TMEM163: variants seen among roughly 807,000 people sequenced by gnomAD.
The protein encoded by TMEM163 is transmembrane protein 163.
Under a neutral mutation model 29.3 loss-of-function variants are expected in TMEM163, and 17 were observed. The observed-to-expected ratio is 0.58, with a 90% confidence interval of 0.40 to 0.87. The LOEUF (loss-of-function observed/expected upper bound fraction) is 0.87, where lower values mean the gene tolerates loss of function less well. Among genes scored for constraint, TMEM163 ranks in the 40% least tolerant of loss-of-function variants. The pLI, the probability that TMEM163 is intolerant of heterozygous loss-of-function variation, is 0.00. For synonymous variants in TMEM163, 157 were observed against 160.6 expected (o/e 0.98, Z 0.17); for missense variants, 303 against 381.5 (o/e 0.79, Z 1.71).
chr2:134,575,381 C>T (rs1051169987), intron 2 of TMEM163, among the ~76,000 whole-genome samples: 2 of 152,090 alleles, frequency 1.3e-5, no homozygotes, highest in Admixed American at 6.6e-5. Flanking sequence ...AGAGCCAGGC[C>T]GAGAATCGCC....
intron 4 of TMEM163, among the ~76,000 whole-genome samples, chr2:134,527,490 C>T (rs1680321365): frequency 1.3e-5 from 2 of 152,146 alleles, no homozygotes; most frequent in South Asian, 2.1e-4. Context: ...CCCCAAATCC[C>T]GCTGCTATCG....
chr2:134,706,827 G>A (rs1180536948), intron 2 of TMEM163, among the ~76,000 whole-genome samples: 1 of 152,160 alleles, frequency 6.6e-6, no homozygotes, highest in Non-Finnish European at 1.5e-5. Flanking sequence ...GGTAACCAAA[G>A]GGGCCTGTCT....
At chr2:134,503,054 T>C in intron 4 of TMEM163, 57 bp from the exon 5 acceptor site, 2 of 1,481,182 alleles carry the variant, frequency 1.4e-6, no homozygotes, top group South Asian at 2.4e-5. Flanking sequence ...TGCTGAAGAG[T>C]CCACACAATT....
chr2:134,659,527 G>A (rs1683701720), intron 2 of TMEM163, among the ~76,000 whole-genome samples: 1 of 152,106 alleles, frequency 6.6e-6, no homozygotes, highest in Non-Finnish European at 1.5e-5. Flanking sequence ...TCCTCACTGG[G>A]ATGTACCATC....
chr2:134,534,924 G>A (rs922538483), intron 4 of TMEM163, among the ~76,000 whole-genome samples: 4 of 152,114 alleles, frequency 2.6e-5, no homozygotes, highest in African/African-American at 9.7e-5. Context: ...AGCTAACAAA[G>A]TACCTTGCTC....
intron 2 of TMEM163, among the ~76,000 whole-genome samples, chr2:134,702,297 T>C (rs1684721636): frequency 6.6e-6 from 1 of 152,146 alleles, no homozygotes; most frequent in Non-Finnish European, 1.5e-5. Context: ...ATGCAAGAAA[T>C]GGAAAAGTAT....
At chr2:134,693,153 C>T (rs140848957) in intron 2 of TMEM163, among the ~76,000 whole-genome samples, 4 of 152,272 alleles carry the variant, frequency 2.6e-5, no homozygotes, top group Admixed American at 6.5e-5. Flanking sequence ...AGAGATTCTG[C>T]CCTCCCCACC....
At chr2:134,488,982 A>G (rs628151) in intron 5 of TMEM163, among the ~76,000 whole-genome samples, 25,348 of 152,150 alleles carry the variant, frequency 0.17, 2,289 homozygotes, top group South Asian at 0.26. Context: ...GTGTGGTAAC[A>G]TTCTGAGAAC....
intron 2 of TMEM163, among the ~76,000 whole-genome samples, chr2:134,570,108 A>G (rs1681385675): frequency 6.6e-6 from 1 of 152,194 alleles, no homozygotes; most frequent in Admixed American, 6.5e-5. Context: ...TGTCAAAGGT[A>G]TGCTGTAAAG....
chr2:134,615,034 C>T (rs529642268), intron 2 of TMEM163, among the ~76,000 whole-genome samples: 5 of 152,046 alleles, frequency 3.3e-5, no homozygotes, highest in African/African-American at 9.7e-5. Flanking sequence ...AGCAAAAAAA[C>T]ATTAACATAG....
chr2:134,481,491 T>C (rs1013222717), intron 5 of TMEM163, among the ~76,000 whole-genome samples: 8 of 152,164 alleles, frequency 5.3e-5, no homozygotes, highest in African/African-American at 1.7e-4. Context: ...TCTGCTGCAA[T>C]GTGAGGCGTG....
At chr2:134,658,016 A>G (rs1683660047) in intron 2 of TMEM163, among the ~76,000 whole-genome samples, 1 of 152,220 alleles carries the variant, frequency 6.6e-6, no homozygotes, top group Admixed American at 6.5e-5. Context: ...GTTGAAAAAA[A>G]AGACAAATAA....
At chr2:134,611,909 T>C (rs1021010748) in intron 2 of TMEM163, among the ~76,000 whole-genome samples, 2 of 152,210 alleles carry the variant, frequency 1.3e-5, no homozygotes, top group Non-Finnish European at 2.9e-5. Context: ...GCCACAATGA[T>C]AGGCCTGTAA....
In TMEM163 at chr2:134,477,376, C is replaced by T. The variant is rs1427676475; in HGVS notation, c.556-11151G>A. ...AAAGCTGTGGCAGAGAAATGTGCCACGTTGGAGTGAATAAGAAGCATGGTA... is the reference window on the plus strand; with the variant it reads ...AAAGCTGTGGCAGAGAAATGTGCCATGTTGGAGTGAATAAGAAGCATGGTA... On this transcript the variant is annotated intron_variant, in intron 5 of 7. Coordinates refer to ENST00000281924, the MANE Select transcript of TMEM163 (RefSeq NM_030923.5). Among the ~76,000 whole-genome samples the T allele has an allele frequency of 7.9e-5, 12 of 152,294 alleles. No homozygotes were observed. The East Asian group carries it at 1.3e-3, about 17-fold the overall frequency.
intron 2 of TMEM163, among the ~76,000 whole-genome samples, chr2:134,622,681 A>G (rs1224167265): frequency 6.6e-6 from 1 of 152,196 alleles, no homozygotes; most frequent in Non-Finnish European, 1.5e-5. Context: ...ATCCTGAGCA[A>G]CTACCAGCCG....
intron 5 of TMEM163, among the ~76,000 whole-genome samples, chr2:134,474,566 C>G (rs766824926): frequency 2.6e-5 from 4 of 152,084 alleles, no homozygotes; most frequent in Admixed American, 2.0e-4. Context: ...AGAAGTAAAG[C>G]CATTTTTATT....
chr2:134,577,350 G>A (rs527570872), intron 2 of TMEM163, among the ~76,000 whole-genome samples: 1 of 152,270 alleles, frequency 6.6e-6, no homozygotes, highest in African/African-American at 2.4e-5. Flanking sequence ...GGTCCCGGCA[G>A]GGACCAGAAG....
At chr2:134,708,806 T>A (rs192192315) in intron 2 of TMEM163, among the ~76,000 whole-genome samples, 165 of 152,236 alleles carry the variant, frequency 1.1e-3, no homozygotes, top group Non-Finnish European at 2.8e-4. Context: ...GCCAGGCTGG[T>A]CTCAAACTCC....
chr2:134,645,593 T>G (rs1163586193), intron 2 of TMEM163, among the ~76,000 whole-genome samples: 2 of 152,022 alleles, frequency 1.3e-5, no homozygotes, highest in South Asian at 2.1e-4. Context: ...AAAGAACAAA[T>G]AAACAAACTG....
Sources: allele counts gnomAD v4.1 joint callset (sites outside exome capture counted in the v4.1 genomes callset), GRCh38; gene constraint gnomAD v4.1.1; transcripts MANE v1.5; gene names NCBI Gene and HGNC (gene_info 2026-07-23, HGNC 2026-07-21).